CCDC148: variants seen among roughly 807,000 people sequenced by gnomAD.
CCDC148 encodes coiled-coil domain-containing protein 148.
In CCDC148, 89 loss-of-function variants were observed where a neutral mutation model predicts 85.7. The ratio of observed to expected loss-of-function variants is 1.04; its 90% confidence interval spans 0.87 to 1.24. The LOEUF is 1.24. CCDC148 is among the 50% of genes most tolerant of loss of function. The pLI is 0.00. For missense variants in CCDC148, 692 were observed against 671.7 expected, an observed-to-expected ratio of 1.03 and a Z score of -0.33; for synonymous variants, 230 against 213.9, an observed-to-expected ratio of 1.08 and a Z score of -0.66.
chr2:158,262,827 A>G (rs1689290074), intron 9 of CCDC148, among the ~76,000 whole-genome samples: 1 of 152,028 alleles, frequency 6.6e-6, no homozygotes, highest in Admixed American at 6.6e-5. Flanking sequence ...TCAACATGAT[A>G]TTTGGGTGGG....
In CCDC148 at chr2:158,447,057, T is replaced by C. The variant is rs1267079740; in HGVS notation, c.25+9358A>G. The C allele has an allele frequency of 2.0e-5, 3 of 152,276 alleles. No homozygotes were observed. The East Asian group carries it at 5.8e-4, about 29-fold the overall frequency. 9.4% of individuals were successfully genotyped at this position (152,276 alleles called of 1,614,324 possible). A position where few individuals can be genotyped will look rare whatever the true frequency, so the allele number is the denominator to read the frequency against. The stretch of plus-strand genomic sequence containing the variant: ...TTGCTATTATTAACAATATTGCTAC[T>C]GTTCATGTAAAAGTCTGTGTGGACA... On this transcript the variant is annotated intron_variant, in intron 1 of 13. Coordinates refer to ENST00000283233, the MANE Select transcript of CCDC148 (RefSeq NM_138803.4).
At chr2:158,279,187 A>G (rs1226377874) in intron 9 of CCDC148, among the ~76,000 whole-genome samples, 1 of 152,190 alleles carries the variant, frequency 6.6e-6, no homozygotes, top group Non-Finnish European at 1.5e-5. Flanking sequence ...GAATAAACAG[A>G]GCAGAAAAAC....
rs200717260 is a variant in CCDC148, at chr2:158,236,599, T to C, written c.1251+14173A>G. Among the ~76,000 whole-genome samples the C allele has an allele frequency of 2.0e-5, 3 of 152,244 alleles. No individual in the cohort carries two copies. In the East Asian group the frequency reaches 5.8e-4, roughly 29 times the overall value. ...TAATCAAACCTGAGTCATTCAATCA[T>C]GACTTAGAACCAAGGTGATTTTTGC... On this transcript the variant is annotated intron_variant, in intron 10 of 13. Transcript: ENST00000283233.
chr2:158,429,242 A>G (rs1019734980), intron 1 of CCDC148, among the ~76,000 whole-genome samples: 1 of 152,180 alleles, frequency 6.6e-6, no homozygotes, highest in Non-Finnish European at 1.5e-5. Flanking sequence ...TTACGTAACA[A>G]ACCTGCACAT....
At chr2:158,424,569 G>T (rs1286521558) in intron 1 of CCDC148, among the ~76,000 whole-genome samples, 1 of 152,072 alleles carries the variant, frequency 6.6e-6, no homozygotes, top group East Asian at 1.9e-4. Context: ...GCCTGTCATG[G>T]GGTGGGGGGA....
chr2:158,440,964 T>C (rs2105342526), intron 1 of CCDC148, among the ~76,000 whole-genome samples: 1 of 152,138 alleles, frequency 6.6e-6, no homozygotes, highest in East Asian at 1.9e-4. Flanking sequence ...GGAGCATTGC[T>C]TGACAGGCGT....
chr2:158,365,268 A>G (rs1684145681), intron 1 of CCDC148, among the ~76,000 whole-genome samples: 1 of 152,188 alleles, frequency 6.6e-6, no homozygotes, highest in Non-Finnish European at 1.5e-5. Flanking sequence ...AGGACCTAGA[A>G]CTAGAAATAT....
chr2:158,192,797 T>C (rs970843804), intron 11 of CCDC148, among the ~76,000 whole-genome samples: 2 of 151,820 alleles, frequency 1.3e-5, no homozygotes, highest in African/African-American at 4.8e-5. Context: ...GGTATCAATA[T>C]TGCCCATTAA....
intron 11 of CCDC148, among the ~76,000 whole-genome samples, chr2:158,180,968 C>A (rs766418183): frequency 3.3e-5 from 5 of 152,144 alleles, no homozygotes; most frequent in Non-Finnish European, 7.3e-5. Flanking sequence ...TCTCTCACGC[C>A]TCCATGTCAT....
chr2:158,426,211 T>G lies in CCDC148; in HGVS notation c.25+30204A>C, dbSNP rs150498228. On this transcript the variant is annotated intron_variant, in intron 1 of 13. Transcript: ENST00000283233. ...TTATCCATTAAAGTTTGATCAAAAG[T>G]TCAATTAAAATTTGAAGTAGTGGCA... Among the ~76,000 whole-genome samples, 277 of 151,974 alleles carry G rather than the reference T, an allele frequency of 1.8e-3. 1 individual carries two copies. The highest frequency in any genetic ancestry group is 6.1e-3 in the African/African-American group (253 of 41,530).
At chr2:158,314,210 TAA>T (rs1181547005) in intron 7 of CCDC148, among the ~76,000 whole-genome samples, 4 of 152,140 alleles carry the variant, frequency 2.6e-5, no homozygotes, top group Non-Finnish European at 5.9e-5. Context: ...ATGAATGAAA[TAA>T]ACATTGGAAA....
chr2:158,382,646 C>A (rs1425830128), intron 1 of CCDC148, among the ~76,000 whole-genome samples: 1 of 152,122 alleles, frequency 6.6e-6, no homozygotes, highest in Non-Finnish European at 1.5e-5. Flanking sequence ...CACAGTGACT[C>A]ACGCCTGTAA....
rs186052467 is a variant in CCDC148, at chr2:158,324,831, G to T, written c.765-10937C>A. ...TAGTCATTTGCATTTAGAATTACCAGCCAGAGTTCCACAGACTGCCACCAT... is the reference window on the plus strand; with the variant it reads ...TAGTCATTTGCATTTAGAATTACCATCCAGAGTTCCACAGACTGCCACCAT... On this transcript the variant is annotated intron_variant, in intron 7 of 13. Coordinates refer to ENST00000283233, the MANE Select transcript of CCDC148 (RefSeq NM_138803.4). Among the ~76,000 whole-genome samples the T allele has an allele frequency of 3.3e-5, 5 of 152,030 alleles. No individual in the cohort carries two copies. In the East Asian group the frequency reaches 7.8e-4, roughly 24 times the overall value.
At chr2:158,239,515 A>G (rs1478083509) in intron 10 of CCDC148, among the ~76,000 whole-genome samples, 1 of 152,162 alleles carries the variant, frequency 6.6e-6, no homozygotes, top group Admixed American at 6.6e-5. Context: ...CTATTGACTC[A>G]TATACTGTAC....
At chr2:158,404,706 T>C (rs1423672059) in intron 1 of CCDC148, among the ~76,000 whole-genome samples, 1 of 152,084 alleles carries the variant, frequency 6.6e-6, no homozygotes, top group Non-Finnish European at 1.5e-5. Context: ...ATGAAAAAAA[T>C]AGCTCAGCAG....
At chr2:158,382,017 C>T (rs1008469884) in intron 1 of CCDC148, among the ~76,000 whole-genome samples, 1 of 152,098 alleles carries the variant, frequency 6.6e-6, no homozygotes, top group African/African-American at 2.4e-5. Context: ...GGGCTTCTTT[C>T]TTCTGAATGG....
At chr2:158,375,266 T>TA in intron 1 of CCDC148, among the ~76,000 whole-genome samples, 1 of 152,228 alleles carries the variant, frequency 6.6e-6, no homozygotes, top group East Asian at 1.9e-4. Context: ...CAGCCTGAAA[T>TA]ACCCAGTTAA....
At chr2:158,380,663 A>T (rs1352416277) in intron 1 of CCDC148, among the ~76,000 whole-genome samples, 1 of 152,232 alleles carries the variant, frequency 6.6e-6, no homozygotes, top group Non-Finnish European at 1.5e-5. Context: ...AGGATAGCCA[A>T]GAGAATCTTG....
At chr2:158,260,673 G>C (rs2105151632) in intron 9 of CCDC148, among the ~76,000 whole-genome samples, 1 of 152,106 alleles carries the variant, frequency 6.6e-6, no homozygotes. Flanking sequence ...AAAGTTTTAG[G>C]ATACAAAATC....
Sources: allele counts gnomAD v4.1 joint callset (sites outside exome capture counted in the v4.1 genomes callset), GRCh38; gene constraint gnomAD v4.1.1; transcripts MANE v1.5; gene names NCBI Gene and HGNC (gene_info 2026-07-23, HGNC 2026-07-21).